The following BANK1 variants were observed in gnomAD, a reference collection of about 807,000 sequenced individuals.
BANK1 encodes the protein B cell scaffold protein with ankyrin repeats 1.
Under a neutral mutation model 94.5 loss-of-function variants are expected in BANK1, and 95 were observed. That is an observed-to-expected ratio of 1.00 (90% CI 0.85 to 1.19). BANK1 has a LOEUF of 1.19. Among genes scored for constraint, BANK1 ranks in the 50% most tolerant of loss-of-function variants. The pLI is 0.00. For synonymous variants in BANK1, 334 were observed against 308.4 expected, an observed-to-expected ratio of 1.08 and a Z score of -0.87; for missense variants, 987 against 932.2, an observed-to-expected ratio of 1.06 and a Z score of -0.77.
At position 102,045,277 on chromosome 4, in the gene BANK1, A is replaced by T. The variant is rs1371662332; in HGVS notation, c.1969+1370A>T. 4.6e-5 allele frequency among the ~76,000 whole-genome samples: 7 copies of T among 152,290 alleles called. No individual in the cohort carries two copies. The South Asian group carries it at 1.0e-3, about 23-fold the overall frequency. ...AAAAATCTCAGTAAATTAGGTATTGATGGGACATATCTCAAAATAATAAGA... is the reference window on the plus strand; with the variant it reads ...AAAAATCTCAGTAAATTAGGTATTGTTGGGACATATCTCAAAATAATAAGA... On this transcript the variant is annotated intron_variant, in intron 11 of 16. Coordinates refer to ENST00000322953, the MANE Select transcript of BANK1 (RefSeq NM_017935.5).
chr4:102,073,785 A>G (rs902916201), intron 16 of BANK1, 37 bp downstream of exon 16: 10 of 1,534,752 alleles, frequency 6.5e-6, no homozygotes, highest in Non-Finnish European at 8.9e-6. Flanking sequence ...TAGAAAATCT[A>G]AAGCAGCCTT....
At chr4:101,886,967 A>G (rs1181420765) in intron 5 of BANK1, among the ~76,000 whole-genome samples, 1 of 152,178 alleles carries the variant, frequency 6.6e-6, no homozygotes, top group Non-Finnish European at 1.5e-5. Flanking sequence ...GGACATGGCA[A>G]TATTGCATTT....
intron 6 of BANK1, among the ~76,000 whole-genome samples, chr4:101,910,408 G>A (rs1038341104): frequency 7.9e-5 from 12 of 152,140 alleles, no homozygotes; most frequent in African/African-American, 2.7e-4. Flanking sequence ...GAGGCTGTGT[G>A]TGATGGCTTA....
rs143402322 is a variant in BANK1, at chr4:102,055,177, G to A, written c.1970-5034G>A. 3.4e-3 allele frequency among the ~76,000 whole-genome samples: 524 copies of A among 151,978 alleles called. 4 individuals are homozygous for A. Among genetic ancestry groups the A allele is most frequent in the African/African-American group, 0.012 (504 of 41,504 alleles). ...TCAATAGTTAACCAGGATAAGTTTTGCCAGTGAGTTATTTCAAATTCAAAT... is the reference window on the plus strand; with the variant it reads ...TCAATAGTTAACCAGGATAAGTTTTACCAGTGAGTTATTTCAAATTCAAAT... On this transcript the variant is annotated intron_variant, in intron 11 of 16. Coordinates refer to ENST00000322953, the MANE Select transcript of BANK1 (RefSeq NM_017935.5).
intron 1 of BANK1, among the ~76,000 whole-genome samples, chr4:101,795,332 T>C (rs1725119399): frequency 6.9e-6 from 1 of 145,490 alleles, no homozygotes. Flanking sequence ...TTCAGTATAG[T>C]CATATGAAAA....
chr4:102,039,693 C>G (rs1727643363), intron 10 of BANK1, among the ~76,000 whole-genome samples: 3 of 152,122 alleles, frequency 2.0e-5, no homozygotes, highest in South Asian at 2.1e-4. Flanking sequence ...AAACAGAGGA[C>G]AGTATGAAAA....
intron 1 of BANK1, among the ~76,000 whole-genome samples, chr4:101,822,813 CGCCACGTTA>C (rs1726222362): frequency 6.6e-6 from 1 of 151,866 alleles, no homozygotes; most frequent in Non-Finnish European, 1.5e-5. Flanking sequence ...GGCGGGGTTT[CGCCACGTTA>C]GCCAGGCTGG....
At chr4:101,970,644 A>G (rs1180142448) in intron 7 of BANK1, among the ~76,000 whole-genome samples, 5 of 152,068 alleles carry the variant, frequency 3.3e-5, no homozygotes, top group African/African-American at 1.2e-4. Flanking sequence ...ATTAAATAGA[A>G]AATGAGAAAG....
At chr4:101,852,162 A>T (rs1578357000) in intron 2 of BANK1, among the ~76,000 whole-genome samples, 1 of 151,904 alleles carries the variant, frequency 6.6e-6, no homozygotes, top group Non-Finnish European at 1.5e-5. Flanking sequence ...ACCATTTATC[A>T]ATTTCTAGTG....
At chr4:102,020,840 C>T (rs1726870656) in intron 7 of BANK1, among the ~76,000 whole-genome samples, 1 of 152,132 alleles carries the variant, frequency 6.6e-6, no homozygotes, top group South Asian at 2.1e-4. Flanking sequence ...TGCTTTTGCA[C>T]AAATAGAACC....
chr4:101,862,696 A>G (rs745777634), intron 4 of BANK1, 32 bp downstream of exon 4: 28 of 1,554,668 alleles, frequency 1.8e-5, no homozygotes, highest in South Asian at 1.2e-4. Context: ...TAAGCATAAA[A>G]CATTATCCTG....
intron 11 of BANK1, among the ~76,000 whole-genome samples, chr4:102,056,666 A>C (rs1422573058): frequency 2.6e-5 from 4 of 152,024 alleles, no homozygotes; most frequent in Non-Finnish European, 5.9e-5. Flanking sequence ...GTATTTTCTA[A>C]GTGGTGGAGA....
At chr4:102,024,299 G>C (rs936698583) in intron 8 of BANK1, among the ~76,000 whole-genome samples, 1 of 151,996 alleles carries the variant, frequency 6.6e-6, no homozygotes, top group African/African-American at 2.4e-5. Context: ...ATATTCAAAG[G>C]TCTGTTACAG....
At chr4:101,796,556 A>T (rs1411695262) in intron 1 of BANK1, among the ~76,000 whole-genome samples, 1 of 152,116 alleles carries the variant, frequency 6.6e-6, no homozygotes, top group Non-Finnish European at 1.5e-5. Flanking sequence ...TCCTGCCTTT[A>T]TTAGTGAAAT....
chr4:101,839,371 T>C (rs1726946961), intron 2 of BANK1, among the ~76,000 whole-genome samples: 1 of 152,168 alleles, frequency 6.6e-6, no homozygotes, highest in African/African-American at 2.4e-5. Context: ...AGAGAAATAT[T>C]AAGATATGTG....
At position 101,806,542 on chromosome 4, in the gene BANK1, T is replaced by C. The variant is rs1725561708; in HGVS notation, c.70+15592T>C. 2.0e-5 allele frequency among the ~76,000 whole-genome samples: 3 copies of C among 152,186 alleles called. No homozygotes were observed. The South Asian group carries it at 6.2e-4, about 31-fold the overall frequency. On this transcript the variant is annotated intron_variant, in intron 1 of 16. Transcript: ENST00000322953. The stretch of plus-strand genomic sequence containing the variant: ...CTCTGTCACTAACAGAACTTCACTT[T>C]TTGCCAGCTATGCAACCTCTCTGAT...
At chr4:102,064,891 G>A (rs558162370) in intron 13 of BANK1, among the ~76,000 whole-genome samples, 1 of 152,326 alleles carries the variant, frequency 6.6e-6, no homozygotes, top group African/African-American at 2.4e-5. Context: ...TCTTAGTTCA[G>A]GGCAGCTGAA....
Position 101,850,828 on chromosome 4 carries a change from G to A in BANK1, c.470-4207G>A, listed in dbSNP as rs1001783161. 3.3e-5 allele frequency among the ~76,000 whole-genome samples: 5 copies of A among 152,236 alleles called. No homozygotes were observed. In the South Asian group the frequency reaches 1.0e-3, roughly 32 times the overall value. On this transcript the variant is annotated intron_variant, in intron 2 of 16. Coordinates refer to ENST00000322953, the MANE Select transcript of BANK1 (RefSeq NM_017935.5). ...CCATTGTGATTGTTTTGGGTGCCAT[G>A]GACTGCACCCATACAAGACAGTGAA... is the stretch of plus-strand genomic sequence containing the variant.
intron 1 of BANK1, among the ~76,000 whole-genome samples, chr4:101,795,390 C>T (rs1420766597): frequency 1.3e-4 from 20 of 151,906 alleles, no homozygotes; most frequent in Non-Finnish European, 2.9e-4. Flanking sequence ...CTTTTCTAAA[C>T]TGTTAAAGGT....
Sources: gnomAD v4.1 joint callset for allele counts (sites outside exome capture counted in the v4.1 genomes callset) on GRCh38, gnomAD v4.1.1 for gene constraint, MANE v1.5 for transcripts, NCBI Gene and HGNC (gene_info 2026-07-23, HGNC 2026-07-21) for gene names.